PRKD1: variants seen among roughly 807,000 people sequenced by gnomAD.
PRKD1 encodes protein kinase D1.
PRKD1 carries 63 observed loss-of-function variants against 95.9 expected under a neutral mutation model. The ratio of observed to expected loss-of-function variants is 0.66; its 90% CI spans 0.54 to 0.81. PRKD1 has a LOEUF of 0.81. Among genes scored for constraint, PRKD1 ranks in the 30% least tolerant of loss-of-function variants. The probability of loss-of-function intolerance (pLI) is 0.00; values close to 1 mark genes in which losing one functional copy is unlikely to be tolerated. For missense variants in PRKD1, 1,048 were observed against 1,165.3 expected, an observed-to-expected ratio of 0.90 and a Z score of 1.47; for synonymous variants, 425 against 423.1, an observed-to-expected ratio of 1.00 and a Z score of -0.05.
At chr14:29,672,808 G>C (rs1485918846) in intron 2 of PRKD1, among the ~76,000 whole-genome samples, 1 of 151,986 alleles carries the variant, frequency 6.6e-6, no homozygotes, top group Non-Finnish European at 1.5e-5. Context: ...GGCAGTTTTA[G>C]ATTCCAGACA....
chr14:29,848,575 G>GA (rs74266227), intron 1 of PRKD1, among the ~76,000 whole-genome samples: 121 of 137,434 alleles, frequency 8.8e-4, no homozygotes, highest in Non-Finnish European at 1.0e-3. Context: ...AAAGTATAAG[G>GA]AAAAAAAAAA....
intron 1 of PRKD1, among the ~76,000 whole-genome samples, chr14:29,826,828 T>C (rs144551363): frequency 0.74 from 26,039 of 35,316 alleles, 9,836 homozygotes; most frequent in East Asian, 0.82. Flanking sequence ...TATATATATA[T>C]ATATATATAT....
intron 16 of PRKD1, among the ~76,000 whole-genome samples, chr14:29,583,361 AC>A (rs1374918804): frequency 4.6e-5 from 7 of 151,940 alleles, no homozygotes; most frequent in Non-Finnish European, 1.0e-4. Context: ...GGTTCCCTGT[AC>A]CCTCTTCGCC....
At chr14:29,806,696 G>C (rs1264031283) in intron 1 of PRKD1, among the ~76,000 whole-genome samples, 1 of 152,106 alleles carries the variant, frequency 6.6e-6, no homozygotes, top group African/African-American at 2.4e-5. Flanking sequence ...TTAAAGAAAA[G>C]AAAAAGCTTA....
At chr14:29,677,854 C>G (rs1221229501) in intron 2 of PRKD1, among the ~76,000 whole-genome samples, 1 of 152,178 alleles carries the variant, frequency 6.6e-6, no homozygotes, top group Non-Finnish European at 1.5e-5. Flanking sequence ...CTTGTGCCAC[C>G]GTGCCCAGCC....
intron 6 of PRKD1, among the ~76,000 whole-genome samples, chr14:29,637,628 G>A (rs1880472961): frequency 6.6e-6 from 1 of 152,186 alleles, no homozygotes; most frequent in Admixed American, 6.5e-5. Flanking sequence ...CGATCGCCAA[G>A]CTTTCAATTT....
intron 1 of PRKD1, among the ~76,000 whole-genome samples, chr14:29,908,531 C>A (rs767174295): frequency 2.0e-5 from 3 of 151,948 alleles, no homozygotes; most frequent in Admixed American, 6.6e-5. Flanking sequence ...ATGATCCGCC[C>A]GCCTCAGCCT....
chr14:29,743,698 T>C (rs1887086483), intron 1 of PRKD1, among the ~76,000 whole-genome samples: 1 of 152,200 alleles, frequency 6.6e-6, no homozygotes, highest in South Asian at 2.1e-4. Context: ...GCACGCTCCC[T>C]TGAATCGACT....
At chr14:29,902,002 T>C (rs936498767) in intron 1 of PRKD1, among the ~76,000 whole-genome samples, 1 of 152,138 alleles carries the variant, frequency 6.6e-6, no homozygotes, top group African/African-American at 2.4e-5. Flanking sequence ...ATAACTTGAG[T>C]CTTCTATTTG....
At chr14:29,693,382 T>A (rs1177392426) in intron 2 of PRKD1, among the ~76,000 whole-genome samples, 1 of 151,976 alleles carries the variant, frequency 6.6e-6, no homozygotes, top group African/African-American at 2.4e-5. Context: ...TCCATTTATT[T>A]CCCTAGAGGC....
chr14:29,768,494 C>A (rs1018445842), intron 1 of PRKD1, among the ~76,000 whole-genome samples: 2 of 152,026 alleles, frequency 1.3e-5, no homozygotes, highest in African/African-American at 4.8e-5. Context: ...CTTCTACTAT[C>A]CCTTTTGGAA....
intron 1 of PRKD1, among the ~76,000 whole-genome samples, chr14:29,744,608 G>A (rs150786905): frequency 1.8e-4 from 27 of 152,170 alleles, no homozygotes; most frequent in South Asian, 4.2e-4. Context: ...GTGCAATGGC[G>A]TGATCTCAGC....
intron 1 of PRKD1, among the ~76,000 whole-genome samples, chr14:29,847,255 G>T (rs1892114339): frequency 6.6e-6 from 1 of 152,150 alleles, no homozygotes; most frequent in African/African-American, 2.4e-5. Context: ...ATGAGTTGTG[G>T]TAATGTATAA....
chr14:29,651,345 G>A (rs1263822693), intron 4 of PRKD1, among the ~76,000 whole-genome samples: 1 of 152,130 alleles, frequency 6.6e-6, no homozygotes, highest in East Asian at 1.9e-4. Flanking sequence ...TAGAGAAAGA[G>A]GCATATTTGT....
intron 1 of PRKD1, among the ~76,000 whole-genome samples, chr14:29,858,552 A>T (rs1243929307): frequency 6.6e-6 from 1 of 152,122 alleles, no homozygotes; most frequent in Non-Finnish European, 1.5e-5. Flanking sequence ...CCTTTAAATA[A>T]TGCCCTATGG....
intron 2 of PRKD1, among the ~76,000 whole-genome samples, chr14:29,724,640 A>C (rs1008020839): frequency 2.6e-5 from 4 of 152,190 alleles, no homozygotes; most frequent in African/African-American, 9.6e-5. Context: ...CAGTGCATCC[A>C]AGTACTGGGC....
chr14:29,776,355 G>A (rs1377854717), intron 1 of PRKD1, among the ~76,000 whole-genome samples: 2 of 152,138 alleles, frequency 1.3e-5, no homozygotes, highest in South Asian at 2.1e-4. Context: ...CCGAGCTAAA[G>A]GAGGATGTTC....
intron 4 of PRKD1, chr14:29,656,607 AATGTTTC>A (rs1881856042): frequency 3.2e-6 from 4 of 1,259,960 alleles, no homozygotes; most frequent in Non-Finnish European, 4.5e-6. Flanking sequence ...ATTACTCAAT[AATGTTTC>A]ATATAGGCAT....
chr14:29,598,347 A>T (rs1594349726), intron 15 of PRKD1, among the ~76,000 whole-genome samples: 1 of 152,096 alleles, frequency 6.6e-6, no homozygotes, highest in Non-Finnish European at 1.5e-5. Flanking sequence ...AAATAAAAAC[A>T]GTCTCCCTCC....
Sources: allele counts gnomAD v4.1 joint callset (sites outside exome capture counted in the v4.1 genomes callset), GRCh38; gene constraint gnomAD v4.1.1; transcripts MANE v1.5; gene names NCBI Gene and HGNC (gene_info 2026-07-23, HGNC 2026-07-21).